RAB2A: variants seen among roughly 807,000 people sequenced by gnomAD.
The protein encoded by RAB2A is ras-related protein Rab-2A.
RAB2A carries 7 observed loss-of-function variants against 32.5 expected under a neutral mutation model. The ratio of observed to expected loss-of-function variants is 0.22; its 90% CI spans 0.12 to 0.40. The LOEUF (loss-of-function observed/expected upper bound fraction) is 0.40, where lower values mean the gene tolerates loss of function less well. Among genes scored for constraint, RAB2A ranks in the 10% least tolerant of loss-of-function variants. RAB2A has a pLI of 1.00. For synonymous variants in RAB2A, 79 were observed against 85.2 expected (o/e 0.93, Z 0.40); for missense variants, 108 against 260.7 (o/e 0.41, Z 4.03).
intron 1 of RAB2A, chr8:60,553,102 A>AG (rs1407990434): frequency 6.6e-6 from 1 of 152,234 alleles, no homozygotes; most frequent in Non-Finnish European, 1.5e-5. Flanking sequence ...AAAAAGAAAA[A>AG]GGGAAAAAAG....
intron 1 of RAB2A, among the ~76,000 whole-genome samples, chr8:60,549,044 C>T (rs1807798901): frequency 6.6e-6 from 1 of 150,396 alleles, no homozygotes; most frequent in Non-Finnish European, 1.5e-5. Flanking sequence ...AGACGATGGG[C>T]GGCCGGGCAG....
intron 1 of RAB2A, among the ~76,000 whole-genome samples, chr8:60,520,097 C>T (rs1369117682): frequency 6.6e-6 from 1 of 152,146 alleles, no homozygotes; most frequent in Non-Finnish European, 1.5e-5. Flanking sequence ...TAACCTATAA[C>T]CTTCTCTCAG....
At chr8:60,528,718 A>G (rs939355288) in intron 1 of RAB2A, among the ~76,000 whole-genome samples, 3 of 152,094 alleles carry the variant, frequency 2.0e-5, no homozygotes, top group Admixed American at 2.0e-4. Flanking sequence ...ATTTAGAGTG[A>G]TTGGCCATCC....
chr8:60,589,566 T>TA (rs1168744387), intron 5 of RAB2A, among the ~76,000 whole-genome samples: 1 of 152,064 alleles, frequency 6.6e-6, no homozygotes, highest in African/African-American at 2.4e-5. Flanking sequence ...AGCAGAGATT[T>TA]AAAAAATGAA....
intron 5 of RAB2A, among the ~76,000 whole-genome samples, chr8:60,589,636 A>T (rs56957672): frequency 0.063 from 9,654 of 152,234 alleles, 802 homozygotes; most frequent in African/African-American, 0.19. Context: ...GCCATAAATT[A>T]AAAGAAAGAT....
chr8:60,599,560 T>TGTG (rs1804095090), intron 6 of RAB2A, among the ~76,000 whole-genome samples: 1 of 152,072 alleles, frequency 6.6e-6, no homozygotes, highest in Non-Finnish European at 1.5e-5. Context: ...CAGGACTGCG[T>TGTG]GATACTGGTA....
chr8:60,523,437 A>G lies in RAB2A; in HGVS notation c.46+6184A>G, dbSNP rs1482239405. 4.0e-5 allele frequency among the ~76,000 whole-genome samples: 6 copies of G among 151,440 alleles called. No homozygotes were observed. The South Asian group carries it at 8.4e-4, about 21-fold the overall frequency. On this transcript the variant is annotated intron_variant, in intron 1 of 7. Transcript: ENST00000262646. ...CTCCCAAAATGCTGGGATTACAGGC[A>G]TGAGCCACCACGCCCGGCCAAGGAC...
intron 1 of RAB2A, among the ~76,000 whole-genome samples, chr8:60,532,457 T>A (rs972535063): frequency 5.3e-5 from 8 of 152,228 alleles, no homozygotes; most frequent in South Asian, 2.1e-4. Flanking sequence ...TTGTTATACT[T>A]GCTCAGGATA....
At chr8:60,533,062 G>A (rs1051755990) in intron 1 of RAB2A, among the ~76,000 whole-genome samples, 4 of 152,226 alleles carry the variant, frequency 2.6e-5, no homozygotes, top group African/African-American at 4.8e-5. Flanking sequence ...TAAAAATGAA[G>A]TTAAAACCCA....
intron 1 of RAB2A, among the ~76,000 whole-genome samples, chr8:60,530,617 A>AT (rs1807462040): frequency 1.3e-5 from 2 of 152,046 alleles, no homozygotes; most frequent in African/African-American, 4.8e-5. Flanking sequence ...AAAAAGGCCT[A>AT]TTTTTTAATG....
intron 1 of RAB2A, among the ~76,000 whole-genome samples, chr8:60,539,755 T>C (rs1195805074): frequency 1.3e-5 from 2 of 152,130 alleles, no homozygotes; most frequent in Non-Finnish European, 2.9e-5. Flanking sequence ...TTTTCCTCCT[T>C]CTTGGAAAAT....
intron 2 of RAB2A, among the ~76,000 whole-genome samples, chr8:60,571,134 CA>C (rs1310417565): frequency 2.0e-5 from 3 of 152,148 alleles, no homozygotes; most frequent in African/African-American, 7.2e-5. Context: ...GAGTGCTTTC[CA>C]AAGATGATAA....
chr8:60,556,772 T>C (rs1046355873), intron 1 of RAB2A, among the ~76,000 whole-genome samples: 1 of 152,030 alleles, frequency 6.6e-6, no homozygotes, highest in Non-Finnish European at 1.5e-5. Context: ...TAGAGTGATA[T>C]ATATTCTCTC....
intron 1 of RAB2A, 116 bp from the exon 2 acceptor site, chr8:60,558,736 T>C (rs978673778): frequency 9.8e-6 from 8 of 818,860 alleles, no homozygotes; most frequent in South Asian, 2.8e-5. Flanking sequence ...GAGGAAATCA[T>C]GGTAGATTAT....
chr8:60,569,287 T>C (rs575793230), intron 2 of RAB2A, among the ~76,000 whole-genome samples: 15 of 152,088 alleles, frequency 9.9e-5, no homozygotes, highest in African/African-American at 3.4e-4. Flanking sequence ...TCTTTGCTTC[T>C]TGTTTCTGTT....
intron 4 of RAB2A, 36 bp from the exon 5 acceptor site, chr8:60,584,687 T>C (rs747301475): frequency 2.0e-6 from 3 of 1,515,092 alleles, no homozygotes; most frequent in Non-Finnish European, 2.7e-6. Flanking sequence ...AGGGAAATGC[T>C]TTGAACATAG....
At chr8:60,528,740 T>C (rs1216478862) in intron 1 of RAB2A, among the ~76,000 whole-genome samples, 3 of 152,210 alleles carry the variant, frequency 2.0e-5, no homozygotes, top group African/African-American at 7.2e-5. Flanking sequence ...AGTCCACTTA[T>C]GATTTATCTT....
chr8:60,556,486 T>C (rs548442203), intron 1 of RAB2A, among the ~76,000 whole-genome samples: 1 of 151,916 alleles, frequency 6.6e-6, no homozygotes, highest in South Asian at 2.1e-4. Flanking sequence ...ATATGTCAAT[T>C]AAAATTTAAA....
intron 3 of RAB2A, among the ~76,000 whole-genome samples, 193 bp downstream of exon 3, chr8:60,572,306 G>A (rs1048095702): frequency 6.6e-6 from 1 of 152,172 alleles, no homozygotes; most frequent in Non-Finnish European, 1.5e-5. Context: ...TGGGCCCTGG[G>A]TGTTGGTGTT....
Sources: allele counts gnomAD v4.1 joint callset (sites outside exome capture counted in the v4.1 genomes callset), GRCh38; gene constraint gnomAD v4.1.1; transcripts MANE v1.5; gene names NCBI Gene and HGNC (gene_info 2026-07-23, HGNC 2026-07-21).